Variants in BPTF observed in about 807,000 individuals in gnomAD.
BPTF encodes the protein bromodomain PHD finger transcription factor.
Under a neutral mutation model 292.5 loss-of-function variants are expected in BPTF, and 18 were observed. That is an observed-to-expected ratio of 0.06 (90% CI 0.04 to 0.09). The LOEUF is 0.09. Ranked by LOEUF, BPTF falls within the 10% of genes least tolerant of loss-of-function variation. BPTF has a pLI of 1.00. For missense variants in BPTF, 2,726 were observed against 3,498.7 expected (o/e 0.78, Z 5.57); for synonymous variants, 1,225 against 1,251.9 (o/e 0.98, Z 0.45).
intron 1 of BPTF, among the ~76,000 whole-genome samples, chr17:67,827,929 A>C (rs1028043824): frequency 2.2e-5 from 3 of 133,834 alleles, no homozygotes; most frequent in Non-Finnish European, 3.1e-5. Context: ...TAATTTTAGT[A>C]CTTTTTTTTT....
intron 3 of BPTF, among the ~76,000 whole-genome samples, chr17:67,869,827 C>CAAAAAA (rs772941425): frequency 1.2e-4 from 7 of 56,444 alleles, no homozygotes; most frequent in African/African-American, 2.0e-4. Flanking sequence ...ACTAAAAATA[C>CAAAAAA]AAAAAAAAAA....
At position 67,918,821 on chromosome 17, in the gene BPTF, G is replaced by T; in HGVS notation, c.5411G>T (p.Gly1804Val). The change falls in exon 12 of 28, where the codon GGA (glycine) becomes GTA (valine). Residue 1804 changes from glycine to valine, a missense_variant. This residue lies in a region of BPTF where 198 missense variants were observed against 277.1 expected (regional missense o/e 0.71). Coordinates refer to ENST00000306378, the MANE Select transcript of BPTF (RefSeq NM_182641.4). ...ATGGCGGCCAAGGCTCCTCCAGGAG[G>T]AGGGACTACACGGACAGGTAAGGGG... ...DDMAAKAPPGGGTTRTETSET... is the reference protein window; with the variant it reads ...DDMAAKAPPGVGTTRTETSET... 1 of 1,613,502 alleles carries T rather than the reference G, an allele frequency of 6.2e-7. No individual in the cohort carries two copies. Among genetic ancestry groups the T allele is most frequent in the Non-Finnish European group, 8.5e-7 (1 of 1,179,586 alleles).
At chr17:67,877,778 C>T (rs1422507317) in intron 4 of BPTF, among the ~76,000 whole-genome samples, 2 of 151,996 alleles carry the variant, frequency 1.3e-5, no homozygotes, top group Admixed American at 6.6e-5. Context: ...ACCACCATGC[C>T]CAGCTTATTT....
At chr17:67,835,653 A>G (rs1250387460) in intron 1 of BPTF, among the ~76,000 whole-genome samples, 1 of 144,490 alleles carries the variant, frequency 6.9e-6, no homozygotes, top group Non-Finnish European at 1.5e-5. Context: ...AATCTGCCAC[A>G]GTCCTGGTAA....
intron 1 of BPTF, among the ~76,000 whole-genome samples, chr17:67,827,742 T>G (rs1277005411): frequency 3.3e-5 from 5 of 152,164 alleles, no homozygotes; most frequent in Non-Finnish European, 1.5e-5. Flanking sequence ...AAGCCAAATG[T>G]GAACCCACAT....
At chr17:67,918,652 G>A in intron 11 of BPTF, 62 bp from the exon 12 acceptor site, 1 of 1,464,878 alleles carries the variant, frequency 6.8e-7, no homozygotes, top group Non-Finnish European at 9.4e-7. Context: ...GAGTGAATAT[G>A]AATGTGTATG....
chr17:67,829,408 A>G (rs1345113593), intron 1 of BPTF, among the ~76,000 whole-genome samples: 1 of 151,580 alleles, frequency 6.6e-6, no homozygotes, highest in Non-Finnish European at 1.5e-5. Context: ...TTGCATAGGT[A>G]TACGTGTGCC....
intron 1 of BPTF, among the ~76,000 whole-genome samples, chr17:67,829,796 T>G (rs2143747741): frequency 6.6e-6 from 1 of 152,342 alleles, no homozygotes; most frequent in African/African-American, 2.4e-5. Flanking sequence ...TTTACAGGGT[T>G]GGTTTAAGTA....
intron 12 of BPTF, among the ~76,000 whole-genome samples, chr17:67,919,230 C>G (rs1384600786): frequency 4.0e-5 from 6 of 148,408 alleles, no homozygotes; most frequent in Non-Finnish European, 8.9e-5. Context: ...AAATATAATG[C>G]TTGTTTTTTA....
At chr17:67,963,345 C>A in intron 24 of BPTF, 1 of 1,532,988 alleles carries the variant, frequency 6.5e-7, no homozygotes, top group African/African-American at 1.4e-5. Flanking sequence ...TCTATATTGG[C>A]TGTGATCTTT....
chr17:67,866,757 A>G (rs1215151287), intron 3 of BPTF, 70 bp downstream of exon 3: 2 of 1,245,470 alleles, frequency 1.6e-6, no homozygotes, highest in Non-Finnish European at 2.3e-6. Flanking sequence ...AATCACTGCA[A>G]AATTTGAAAA....
chr17:67,903,995 A>G lies in BPTF; in HGVS notation c.2673+77A>G. 5.7e-6 allele frequency: 7 copies of G among 1,223,134 alleles called. No individual in the cohort carries two copies. The South Asian group carries it at 1.0e-4, about 18-fold the overall frequency. The allele number at this position is 1,223,134 out of a possible 1,614,324, so 75.8% of individuals were successfully genotyped here. Reference sequence around the variant, plus strand: ...TATTCTGAAACTTTGAATACTTACTAATTTTATTTTTGACATAGTCTTTGT... The same window carrying G: ...TATTCTGAAACTTTGAATACTTACTGATTTTATTTTTGACATAGTCTTTGT... On this transcript the variant is annotated intron_variant, in intron 8 of 27. Transcript: ENST00000306378.
In BPTF at chr17:67,911,424, G is replaced by A. The variant is rs754369900; in HGVS notation, c.3540G>A (p.Pro1180=). The A allele has an allele frequency of 1.5e-5, 24 of 1,613,930 alleles. No individual in the cohort carries two copies. The highest frequency in any genetic ancestry group is 5.0e-5 in the Admixed American group (3 of 59,982). ...TTCGGAGCCCAGAAACAAAATGTCCGAAACAAAATTCCATTGAAAATGACA... is the reference window on the plus strand; with the variant it reads ...TTCGGAGCCCAGAAACAAAATGTCCAAAACAAAATTCCATTGAAAATGACA... ...VSIRSPETKC[P]KQNSIENDIE... The change falls in exon 11 of 28, where the codon CCG becomes CCA. Residue 1180 remains proline (P), a synonymous_variant. Coordinates refer to ENST00000306378, the MANE Select transcript of BPTF (RefSeq NM_182641.4).
intron 17 of BPTF, among the ~76,000 whole-genome samples, chr17:67,931,616 A>C (rs945759165): frequency 1.3e-5 from 2 of 152,240 alleles, no homozygotes; most frequent in African/African-American, 4.8e-5. Flanking sequence ...TCCTGTGAGC[A>C]CTAGTTACAG....
At chr17:67,886,662 A>C (rs1464141363) in intron 4 of BPTF, among the ~76,000 whole-genome samples, 2 of 152,034 alleles carry the variant, frequency 1.3e-5, no homozygotes, top group Non-Finnish European at 2.9e-5. Context: ...TTATGTATGT[A>C]TGTTTACAAA....
At chr17:67,964,546 A>G in intron 25 of BPTF, 142 bp downstream of exon 25, 1 of 972,426 alleles carries the variant, frequency 1.0e-6, no homozygotes, top group African/African-American at 1.6e-5. Flanking sequence ...AACAAACTGC[A>G]GTCCTTCACG....
At position 67,874,862 on chromosome 17, in the gene BPTF, A is replaced by G. The variant is rs1370183469; in HGVS notation, c.1706A>G (p.Asn569Ser). ...AGAGCCAAAAAGGGAGACATTGATAATGTTAAAAGCCCAGAAGAAACAGAA... is the reference window on the plus strand; with the variant it reads ...AGAGCCAAAAAGGGAGACATTGATAGTGTTAAAAGCCCAGAAGAAACAGAA... ...SIRAKKGDID[N>S]VKSPEETEKD... Residue 569 changes from asparagine (N) to serine (S), a missense_variant, in exon 4 of 28, where the codon AAT (asparagine) becomes AGT (serine). Asn to Ser is a conservative substitution (Grantham distance 46). Transcript: ENST00000306378. The G allele has an allele frequency of 1.2e-6, 2 of 1,612,926 alleles. No individual in the cohort carries two copies. The highest frequency in any genetic ancestry group is 1.7e-6 in the Non-Finnish European group (2 of 1,179,870).
At position 67,947,856 on chromosome 17, in the gene BPTF, C is replaced by T. The variant is rs782296627; in HGVS notation, c.7700+48C>T. On this transcript the variant is annotated intron_variant, in intron 22 of 27. Coordinates refer to ENST00000306378, the MANE Select transcript of BPTF (RefSeq NM_182641.4). Reference sequence around the variant, plus strand: ...TTGTCTGTCCGTCTCTTCTCTTTATCGTGCACACGCACAGAGTTCTGAGTT... The same window carrying T: ...TTGTCTGTCCGTCTCTTCTCTTTATTGTGCACACGCACAGAGTTCTGAGTT... 1.4e-5 allele frequency: 21 copies of T among 1,498,188 alleles called. No individual in the cohort carries two copies. The African/African-American group carries it at 1.5e-4, about 11-fold the overall frequency. The allele number at this position is 1,498,188 out of a possible 1,614,324, so 92.8% of individuals were successfully genotyped here. A position where few individuals can be genotyped will look rare whatever the true frequency, so the allele number is the denominator to read the frequency against.
chr17:67,955,446 AG>A (rs11354205), intron 23 of BPTF: 136,987 of 152,034 alleles, frequency 0.9, 63,524 homozygotes, highest in East Asian at 1. Context: ...AAATTTTGGC[AG>A]GGGGGAATCA....
Sources: gnomAD v4.1 joint callset for allele counts (sites outside exome capture counted in the v4.1 genomes callset) on GRCh38, gnomAD v4.1.1 for gene constraint, gnomAD v4.1.1 regional missense constraint, MANE v1.5 for transcripts, NCBI Gene and HGNC (gene_info 2026-07-23, HGNC 2026-07-21) for gene names.